Variants in GRM8 observed in about 807,000 individuals in gnomAD.
The protein encoded by GRM8 is glutamate metabotropic receptor 8, also known as metabotropic glutamate receptor 8.
In GRM8, 47 loss-of-function variants were observed where a neutral mutation model predicts 87.2. The observed-to-expected ratio is 0.54, with a 90% CI of 0.43 to 0.69. The LOEUF (loss-of-function observed/expected upper bound fraction) is 0.69. Among genes scored for constraint, GRM8 ranks in the 30% least tolerant of loss-of-function variants. The pLI, the probability that GRM8 is intolerant of heterozygous loss-of-function variation, is 0.00. For missense variants in GRM8, 1,019 were observed against 1,139.2 expected (o/e 0.89, Z 1.52); for synonymous variants, 396 against 404.5 (o/e 0.98, Z 0.25).
chr7:126,662,143 C>T (rs1216806865), intron 7 of GRM8, among the ~76,000 whole-genome samples: 4 of 151,658 alleles, frequency 2.6e-5, no homozygotes, highest in Non-Finnish European at 5.9e-5. Flanking sequence ...TTATTTTCTC[C>T]AGGGATTGGG....
chr7:127,194,896 C>T (rs891962023), intron 2 of GRM8, among the ~76,000 whole-genome samples: 1 of 152,142 alleles, frequency 6.6e-6, no homozygotes, highest in African/African-American at 2.4e-5. Context: ...GATTTACAAA[C>T]AGGTGTCTAA....
chr7:126,762,855 C>A (rs1474919415), intron 7 of GRM8, among the ~76,000 whole-genome samples: 1 of 151,106 alleles, frequency 6.6e-6, no homozygotes, highest in Non-Finnish European at 1.5e-5. Context: ...AAATGATCTC[C>A]AAAAAAACAA....
At chr7:127,097,424 T>C (rs1201662685) in intron 3 of GRM8, among the ~76,000 whole-genome samples, 3 of 152,146 alleles carry the variant, frequency 2.0e-5, no homozygotes, top group African/African-American at 7.2e-5. Flanking sequence ...TCAGGAGTCA[T>C]TCGAAAGCTT....
At chr7:126,561,758 T>C (rs1793725867) in intron 8 of GRM8, among the ~76,000 whole-genome samples, 1 of 145,322 alleles carries the variant, frequency 6.9e-6, no homozygotes, top group South Asian at 2.3e-4. Context: ...GTATATCTCC[T>C]AATGTTATCC....
intron 2 of GRM8, among the ~76,000 whole-genome samples, chr7:127,124,877 C>A (rs554548253): frequency 6.6e-6 from 1 of 151,980 alleles, no homozygotes; most frequent in African/African-American, 2.4e-5. Flanking sequence ...ACCATATTAA[C>A]GGTATAAATA....
intron 3 of GRM8, among the ~76,000 whole-genome samples, chr7:126,967,585 C>T (rs1810004933): frequency 6.6e-6 from 1 of 151,920 alleles, no homozygotes; most frequent in Non-Finnish European, 1.5e-5. Context: ...AGATGCATTA[C>T]ATGGACCTTG....
At chr7:126,893,823 G>GTGTTAATT (rs1801290488) in intron 6 of GRM8, among the ~76,000 whole-genome samples, 2 of 151,860 alleles carry the variant, frequency 1.3e-5, no homozygotes, top group Non-Finnish European at 2.9e-5. Flanking sequence ...ATCACACTTA[G>GTGTTAATT]TCTTAATTTC....
chr7:126,973,341 C>T (rs184249495), intron 3 of GRM8, among the ~76,000 whole-genome samples: 2 of 152,308 alleles, frequency 1.3e-5, no homozygotes, highest in East Asian at 3.9e-4. Context: ...CCCACCTGGG[C>T]TCATGTACTT....
chr7:126,871,015 T>C (rs1383248886), intron 6 of GRM8, among the ~76,000 whole-genome samples: 1 of 152,192 alleles, frequency 6.6e-6, no homozygotes, highest in Admixed American at 6.5e-5. Context: ...GTAAAGAAGT[T>C]CTAAGGTATG....
At chr7:126,881,932 A>C (rs923397401) in intron 6 of GRM8, among the ~76,000 whole-genome samples, 8 of 152,142 alleles carry the variant, frequency 5.3e-5, no homozygotes, top group Admixed American at 2.6e-4. Context: ...TAAAAGAATG[A>C]GTCATAAAAG....
chr7:127,078,326 C>T (rs1822500576), intron 3 of GRM8, among the ~76,000 whole-genome samples: 1 of 152,204 alleles, frequency 6.6e-6, no homozygotes, highest in Admixed American at 6.5e-5. Flanking sequence ...CCTTGTTAGA[C>T]CATAGCCGCT....
intron 7 of GRM8, among the ~76,000 whole-genome samples, chr7:126,643,640 G>A (rs1802719801): frequency 6.6e-6 from 1 of 151,890 alleles, no homozygotes; most frequent in Non-Finnish European, 1.5e-5. Context: ...GAGATCCACT[G>A]TGTTTAATTA....
intron 8 of GRM8, among the ~76,000 whole-genome samples, chr7:126,579,855 G>A (rs1795451768): frequency 6.6e-6 from 1 of 151,908 alleles, no homozygotes; most frequent in African/African-American, 2.4e-5. Context: ...TTATAGAAAA[G>A]GTTACTAAGT....
intron 8 of GRM8, among the ~76,000 whole-genome samples, chr7:126,581,321 A>C (rs1486294620): frequency 6.6e-6 from 1 of 152,118 alleles, no homozygotes; most frequent in African/African-American, 2.4e-5. Context: ...TTACTTCTTA[A>C]CAATCTCTTA....
chr7:126,837,842 G>A (rs1795943065), intron 6 of GRM8, among the ~76,000 whole-genome samples: 1 of 152,186 alleles, frequency 6.6e-6, no homozygotes, highest in African/African-American at 2.4e-5. Flanking sequence ...ATGGTTTCAG[G>A]AAAAACCAAG....
At chr7:126,459,405 A>G (rs1188639666) in intron 9 of GRM8, among the ~76,000 whole-genome samples, 1 of 151,412 alleles carries the variant, frequency 6.6e-6, no homozygotes, top group Non-Finnish European at 1.5e-5. Flanking sequence ...GAAAACAAGG[A>G]AAGTATTCAC....
rs552348990 is a variant in GRM8, at chr7:126,873,977, C to T, written c.1156+28565G>A. Among the ~76,000 whole-genome samples, 17 of 152,120 alleles carry T rather than the reference C, an allele frequency of 1.1e-4. No homozygotes were observed. In the South Asian group the frequency reaches 3.3e-3, roughly 30 times the overall value. ...TGTTATTCTTAATGGGTTACCCCTG[C>T]CATGAATATTAGGAAAAATATATAT... On this transcript the variant is annotated intron_variant, in intron 6 of 10. Transcript: ENST00000339582.
chr7:126,982,050 A>G (rs1811593341), intron 3 of GRM8, among the ~76,000 whole-genome samples: 1 of 152,170 alleles, frequency 6.6e-6, no homozygotes, highest in Non-Finnish European at 1.5e-5. Flanking sequence ...CATGATCACA[A>G]GGTCCCACAA....
intron 3 of GRM8, among the ~76,000 whole-genome samples, chr7:127,068,284 C>T: frequency 6.6e-6 from 1 of 152,148 alleles, no homozygotes; most frequent in Non-Finnish European, 1.5e-5. Context: ...TTTATTAACT[C>T]CCTCATCAAT....
Sources: gnomAD v4.1 joint callset for allele counts (sites outside exome capture counted in the v4.1 genomes callset) on GRCh38, gnomAD v4.1.1 for gene constraint, MANE v1.5 for transcripts, NCBI Gene and HGNC (gene_info 2026-07-23, HGNC 2026-07-21) for gene names.